KMT2A: variants seen among roughly 807,000 people sequenced by gnomAD.
KMT2A encodes lysine methyltransferase 2A.
Under a neutral mutation model 345.3 loss-of-function variants are expected in KMT2A, and 16 were observed. That is an observed-to-expected ratio of 0.05 (90% confidence interval 0.03 to 0.07). KMT2A has a LOEUF of 0.07. KMT2A is among the 10% of genes least tolerant of loss of function. The pLI, the probability that KMT2A is intolerant of heterozygous loss-of-function variation, is 1.00. For synonymous variants in KMT2A, 1,599 were observed against 1,778.6 expected, an observed-to-expected ratio of 0.90 and a Z score of 2.54; for missense variants, 3,272 against 4,841.6, an observed-to-expected ratio of 0.68 and a Z score of 9.62.
intron 2 of KMT2A, among the ~76,000 whole-genome samples, 163 bp downstream of exon 2, chr11:118,469,007 A>G (rs1949898000): frequency 6.6e-6 from 1 of 152,070 alleles, no homozygotes; most frequent in Non-Finnish European, 1.5e-5. Flanking sequence ...TATTATTGTT[A>G]TACTTTAAGT....
At chr11:118,482,818 G>A (rs955079145) in intron 8 of KMT2A, among the ~76,000 whole-genome samples, 2 of 151,812 alleles carry the variant, frequency 1.3e-5, no homozygotes, top group African/African-American at 2.4e-5. Context: ...TGTAGTCCCA[G>A]GTACTCAGGA....
intron 31 of KMT2A, among the ~76,000 whole-genome samples, chr11:118,516,430 G>A (rs1043877935): frequency 6.6e-6 from 1 of 152,028 alleles, no homozygotes; most frequent in Admixed American, 6.6e-5. Context: ...GAATAGCCAC[G>A]GCACCAGCTG....
In KMT2A at chr11:118,502,618, T is replaced by C; in HGVS notation, c.6726T>C (p.Ser2242=). 2 of 1,614,146 alleles carry C rather than the reference T, an allele frequency of 1.2e-6. No individual in the cohort carries two copies. Among genetic ancestry groups the C allele is most frequent in the Non-Finnish European group, 1.7e-6 (2 of 1,180,018 alleles). Residue 2242 remains serine, a synonymous_variant, in exon 27 of 36, where the codon AGT becomes AGC. Coordinates refer to ENST00000534358, the MANE Select transcript of KMT2A (RefSeq NM_001197104.2). This position sits in a 1 kb window ranked among gnomAD's most constrained non-coding sequence, Gnocchi z 4.9. ...TTGTATDLES[S]AKVVDHVLGP... is the part of the protein sequence containing the mutation. The stretch of plus-strand genomic sequence containing the variant: ...GGACCGCTACTGATCTTGAATCAAG[T>C]GCCAAAGTAGTTGATCATGTCTTAG...
At chr11:118,477,060 G>A in intron 4 of KMT2A, 78 bp downstream of exon 4, 11 of 1,382,872 alleles carry the variant, frequency 8.0e-6, no homozygotes, top group Non-Finnish European at 1.1e-5. Context: ...TGCCCAGTAG[G>A]CTCTTCATAG....
In KMT2A at chr11:118,523,962, T is replaced by A. The variant is rs1591315103; in HGVS notation, c.*1790T>A. The stretch of plus-strand genomic sequence containing the variant: ...TCTTGATACAACAGATTCTCTTCTT[T>A]CCCGCCTCTCTCCTTTCCGGCGCAA... On this transcript the variant is annotated 3_prime_UTR_variant, in exon 36 of 36. Transcript: ENST00000534358. The A allele has an allele frequency of 4.9e-6, 1 of 203,288 alleles. No homozygotes were observed. The highest frequency in any genetic ancestry group is 1.0e-5 in the Non-Finnish European group (1 of 99,104). 12.6% of individuals were successfully genotyped at this position (203,288 alleles called of 1,614,324 possible). A position where few individuals can be genotyped will look rare whatever the true frequency, so the allele number is the denominator to read the frequency against.
In KMT2A at chr11:118,488,613, GTTTGT is replaced by G; in HGVS notation, c.4333_4337del (p.Phe1445ValfsTer7). ...TCTATCTTCCCATGTTCTTACTATA[GTTTGT>G]GTATTGCCAAGTCTGTTGTGAGCCC... On this transcript the variant is annotated frameshift_variant and splice_region_variant, in exon 11 of 36. Coordinates refer to ENST00000534358, the MANE Select transcript of KMT2A (RefSeq NM_001197104.2). LOFTEE classifies it high-confidence loss of function. 1 of 1,613,540 alleles carries G rather than the reference GTTTGT, an allele frequency of 6.2e-7. No homozygotes were observed. The highest frequency in any genetic ancestry group is 1.6e-4 in the Middle Eastern group (1 of 6,062).
chr11:118,458,889 T>A (rs1949695526), intron 1 of KMT2A, among the ~76,000 whole-genome samples: 1 of 152,206 alleles, frequency 6.6e-6, no homozygotes. Flanking sequence ...ATTTTGTTAG[T>A]TCTCCTGTGG....
intron 7 of KMT2A, 27 bp downstream of exon 7, chr11:118,482,119 G>T (rs1555039487): frequency 6.4e-7 from 1 of 1,570,824 alleles, no homozygotes; most frequent in Admixed American, 2.0e-5. Context: ...AGAAGGAATT[G>T]CTGAACCACA....
In KMT2A at chr11:118,484,835, T is replaced by G; in HGVS notation, c.4219-27T>G. 6.6e-7 allele frequency: 1 copy of G among 1,504,762 alleles called. No individual in the cohort carries two copies. Among genetic ancestry groups the G allele is most frequent in the East Asian group, 2.3e-5 (1 of 44,372 alleles). The allele number at this position is 1,504,762 out of a possible 1,614,324, so 93.2% of individuals were successfully genotyped here. ...CCAAAGTTGTGTAATTGTAAAACTT[T>G]CCTAAGTGACCTTTCTCTCTCCACA... is the stretch of plus-strand genomic sequence containing the variant. On this transcript the variant is annotated intron_variant, in intron 9 of 35. Coordinates refer to ENST00000534358, the MANE Select transcript of KMT2A (RefSeq NM_001197104.2). This position sits in a 1 kb window ranked among gnomAD's most constrained non-coding sequence, Gnocchi z 4.1.
rs1375613428 is a variant in KMT2A, at chr11:118,490,303, G to T, written c.4696+54G>T. The T allele has an allele frequency of 4.7e-6, 7 of 1,501,588 alleles. No individual in the cohort carries two copies. In the African/African-American group the frequency reaches 8.5e-5, roughly 18 times the overall value. 93.0% of individuals were successfully genotyped at this position (1,501,588 alleles called of 1,614,324 possible). A position where few individuals can be genotyped will look rare whatever the true frequency, so the allele number is the denominator to read the frequency against. On this transcript the variant is annotated intron_variant, in intron 13 of 35. Coordinates refer to ENST00000534358, the MANE Select transcript of KMT2A (RefSeq NM_001197104.2). This position sits in a 1 kb window ranked among gnomAD's most constrained non-coding sequence, Gnocchi z 4.2. ...TTCGGAGGTTGTACTTGGTGTTCTG[G>T]AGGTGAACTAGACTCTAGTGAAATG...
chr11:118,446,705 C>T (rs782673356), intron 1 of KMT2A, among the ~76,000 whole-genome samples: 1 of 152,190 alleles, frequency 6.6e-6, no homozygotes, highest in Non-Finnish European at 1.5e-5. Flanking sequence ...TTGTGGTAAT[C>T]TTCTCATTGG....
rs538512659 is a variant in KMT2A at position 118,457,194 on chromosome 11, G to A, written c.433-11581G>A. Among the ~76,000 whole-genome samples the A allele has an allele frequency of 1.5e-4, 22 of 147,602 alleles. No homozygotes were observed. The East Asian group carries it at 2.6e-3, about 17-fold the overall frequency. ...ATAGCCTTCAGGATGAGGTCTACAC[G>A]TCCTCAAAGATAAACTTCAAACTCA... On this transcript the variant is annotated intron_variant, in intron 1 of 35. Coordinates refer to ENST00000534358, the MANE Select transcript of KMT2A (RefSeq NM_001197104.2).
At chr11:118,511,820 C>T (rs998646790) in intron 30 of KMT2A, 131 bp from the exon 31 acceptor site, 7 of 757,964 alleles carry the variant, frequency 9.2e-6, no homozygotes, top group Non-Finnish European at 1.6e-5. Flanking sequence ...AGAAAAATAA[C>T]AAAACACTGC....
intron 10 of KMT2A, among the ~76,000 whole-genome samples, chr11:118,486,338 G>A (rs1168355803): frequency 1.3e-5 from 2 of 150,214 alleles, no homozygotes; most frequent in Non-Finnish European, 3.0e-5. Flanking sequence ...TATTAAGAGT[G>A]TGGTTGGATT....
intron 31 of KMT2A, among the ~76,000 whole-genome samples, chr11:118,514,170 T>A (rs1460726919): frequency 1.3e-5 from 2 of 152,138 alleles, no homozygotes; most frequent in Admixed American, 1.3e-4. Flanking sequence ...TTACAGAGTA[T>A]AATCTTCAAC....
Position 118,522,331 on chromosome 11 carries a change from C to T in KMT2A, c.*159C>T, listed in dbSNP as rs782081109. On this transcript the variant is annotated 3_prime_UTR_variant, in exon 36 of 36. Coordinates refer to ENST00000534358, the MANE Select transcript of KMT2A (RefSeq NM_001197104.2). The surrounding 1 kb of genome is among the most constrained non-coding windows in gnomAD (Gnocchi z 5.4). ...TCTTATGTCCTATACTCACATCAGACATGTGATCATAGTCCCAGAGACAGA... is the reference window on the plus strand; with the variant it reads ...TCTTATGTCCTATACTCACATCAGATATGTGATCATAGTCCCAGAGACAGA... 3.4e-5 allele frequency: 22 copies of T among 656,050 alleles called. No homozygotes were observed. The highest frequency in any genetic ancestry group is 5.2e-5 in the Non-Finnish European group (20 of 386,360). 40.6% of individuals were successfully genotyped at this position (656,050 alleles called of 1,614,324 possible). A position where few individuals can be genotyped will look rare whatever the true frequency, so the allele number is the denominator to read the frequency against.
In KMT2A at chr11:118,475,912, C is replaced by T. The variant is rs1380017698; in HGVS notation, c.3157-893C>T. On this transcript the variant is annotated intron_variant, in intron 3 of 35. Coordinates refer to ENST00000534358, the MANE Select transcript of KMT2A (RefSeq NM_001197104.2). The stretch of plus-strand genomic sequence containing the variant: ...TTTCTTTTGGAGCCTTTTATACTTT[C>T]TCTTTTTTTTGAGACGGAATTTCGC... Among the ~76,000 whole-genome samples the T allele has an allele frequency of 3.3e-5, 5 of 151,968 alleles. No individual in the cohort carries two copies. In the East Asian group the frequency reaches 9.7e-4, roughly 29 times the overall value.
At chr11:118,443,188 T>A (rs1224853728) in intron 1 of KMT2A, among the ~76,000 whole-genome samples, 2 of 152,228 alleles carry the variant, frequency 1.3e-5, no homozygotes, top group Non-Finnish European at 2.9e-5. Flanking sequence ...TAGATTATGC[T>A]GGGAATAGGG....
intron 12 of KMT2A, 55 bp downstream of exon 12, chr11:118,489,942 T>C: frequency 6.6e-7 from 1 of 1,515,722 alleles, no homozygotes; most frequent in Non-Finnish European, 9.2e-7. Context: ...ACTATTGGAC[T>C]TATGTAACTT....
Sources: allele counts gnomAD v4.1 joint callset (sites outside exome capture counted in the v4.1 genomes callset), GRCh38; gene constraint gnomAD v4.1.1; non-coding constraint Gnocchi (gnomAD v3.1); transcripts MANE v1.5; gene names NCBI Gene and HGNC (gene_info 2026-07-23, HGNC 2026-07-21).